Variants in KLF15 observed in about 807,000 individuals in gnomAD.
KLF15 encodes the protein KLF transcription factor 15.
Under a neutral mutation model 24.6 loss-of-function variants are expected in KLF15, and 4 were observed. The ratio of observed to expected loss-of-function variants is 0.16; its 90% CI spans 0.08 to 0.37. The LOEUF is 0.37. Ranked by LOEUF, KLF15 falls within the 10% of genes least tolerant of loss-of-function variation. The probability of loss-of-function intolerance (pLI) is 1.00; values close to 1 mark genes in which losing one functional copy is unlikely to be tolerated. For synonymous variants in KLF15, 246 were observed against 236.3 expected, an observed-to-expected ratio of 1.04 and a Z score of -0.37; for missense variants, 496 against 560.6, an observed-to-expected ratio of 0.88 and a Z score of 1.16.
the KLF15 span, among the ~76,000 whole-genome samples, chr3:126,313,710 T>C: frequency 6.6e-6 from 1 of 152,214 alleles, no homozygotes; most frequent in Non-Finnish European, 1.5e-5. Context: ...CACACAGACC[T>C]GCCTTGTATG....
intron 2 of KLF15, 54 bp from the exon 3 acceptor site, chr3:126,343,949 C>A: frequency 3.3e-6 from 5 of 1,495,842 alleles, no homozygotes; most frequent in South Asian, 1.4e-5. Flanking sequence ...CCTGCCTGCC[C>A]CGACCCCACG....
chr3:126,322,319 T>C, the KLF15 span, among the ~76,000 whole-genome samples: 1 of 152,154 alleles, frequency 6.6e-6, no homozygotes, highest in African/African-American at 2.4e-5. Context: ...TGGTTCCTCC[T>C]GGAGGCTCTA....
the KLF15 span, among the ~76,000 whole-genome samples, chr3:126,311,686 C>T: frequency 6.6e-6 from 1 of 152,354 alleles, no homozygotes; most frequent in African/African-American, 2.4e-5. Flanking sequence ...CCAACCTTCA[C>T]TAACTTCTGG....
the KLF15 span, among the ~76,000 whole-genome samples, chr3:126,293,192 G>A: frequency 2.7e-5 from 4 of 150,926 alleles, no homozygotes; most frequent in African/African-American, 9.7e-5. Context: ...GTGCACACTT[G>A]TAGTCTCAGC....
the KLF15 span, among the ~76,000 whole-genome samples, chr3:126,323,088 A>T: frequency 6.6e-6 from 1 of 150,840 alleles, no homozygotes; most frequent in Non-Finnish European, 1.5e-5. Context: ...CACACTTTTT[A>T]AAACTTTTTA....
At chr3:126,296,040 G>A in the KLF15 span, among the ~76,000 whole-genome samples, 4 of 152,122 alleles carry the variant, frequency 2.6e-5, no homozygotes, top group Non-Finnish European at 2.9e-5. Flanking sequence ...GTCCCTGTAC[G>A]TATCACAATG....
intron 1 of KLF15, 86 bp from the exon 2 acceptor site, chr3:126,353,033 C>G: frequency 7.0e-7 from 1 of 1,422,916 alleles, no homozygotes; most frequent in African/African-American, 1.4e-5. Context: ...CCTCAGCTGC[C>G]TGCCCACAGC....
At chr3:126,309,996 A>G in the KLF15 span, among the ~76,000 whole-genome samples, 1 of 152,236 alleles carries the variant, frequency 6.6e-6, no homozygotes, top group African/African-American at 2.4e-5. Context: ...TTCATCAAGA[A>G]CAGAAATGCA....
At chr3:126,304,386 A>G in the KLF15 span, among the ~76,000 whole-genome samples, 1 of 152,106 alleles carries the variant, frequency 6.6e-6, no homozygotes, top group Non-Finnish European at 1.5e-5. Flanking sequence ...GGAAACAGGC[A>G]CTCTATGGAC....
chr3:126,341,923 C>A, downstream of KLF15, among the ~76,000 whole-genome samples: 1 of 152,208 alleles, frequency 6.6e-6, no homozygotes, highest in East Asian at 1.9e-4. Context: ...CTGAAGCAGG[C>A]CCTGGTCAGC....
the KLF15 span, among the ~76,000 whole-genome samples, chr3:126,305,805 A>T: frequency 6.6e-6 from 1 of 152,258 alleles, no homozygotes. Flanking sequence ...ATGTCTGACC[A>T]CAAACCCTTT....
At chr3:126,347,903 G>A (rs925857493) in intron 2 of KLF15, among the ~76,000 whole-genome samples, 3 of 152,158 alleles carry the variant, frequency 2.0e-5, no homozygotes, top group African/African-American at 2.4e-5. Flanking sequence ...CTTGTTCTCC[G>A]AGCACAGGAC....
the KLF15 span, among the ~76,000 whole-genome samples, chr3:126,299,002 G>A: frequency 2.6e-5 from 4 of 152,090 alleles, no homozygotes; most frequent in East Asian, 7.7e-4. Flanking sequence ...CTTCTGTGAG[G>A]AATTATGATG....
At chr3:126,351,267 G>A (rs1011528358) in intron 2 of KLF15, among the ~76,000 whole-genome samples, 60 of 152,362 alleles carry the variant, frequency 3.9e-4, no homozygotes, top group Admixed American at 2.2e-3. Flanking sequence ...AGGAAGCATA[G>A]GCGAGGCCCA....
chr3:126,324,684 T>C, the KLF15 span, among the ~76,000 whole-genome samples: 2 of 148,996 alleles, frequency 1.3e-5, no homozygotes, highest in African/African-American at 5.0e-5. Flanking sequence ...GCATAGGAGA[T>C]GTTGTGTCCT....
intron 2 of KLF15, among the ~76,000 whole-genome samples, chr3:126,345,550 T>TACAC (rs1238102250): frequency 5.2e-5 from 6 of 116,464 alleles, no homozygotes; most frequent in South Asian, 2.7e-4. Flanking sequence ...TGCCCACACA[T>TACAC]ACTCACACAC....
intron 1 of KLF15, 43 bp downstream of exon 1, chr3:126,357,194 G>T (rs932310980): frequency 2.0e-5 from 3 of 149,996 alleles, no homozygotes; most frequent in Non-Finnish European, 1.5e-5. Flanking sequence ...ATCACCCGGG[G>T]CCGCGTCCAC....
the KLF15 span, among the ~76,000 whole-genome samples, chr3:126,321,918 T>A: frequency 6.6e-6 from 1 of 152,142 alleles, no homozygotes; most frequent in African/African-American, 2.4e-5. Context: ...GCCCACATGA[T>A]GACCAATTCA....
At chr3:126,329,650 T>C in the KLF15 span, among the ~76,000 whole-genome samples, 1 of 151,898 alleles carries the variant, frequency 6.6e-6, no homozygotes, top group Non-Finnish European at 1.5e-5. Flanking sequence ...AATTTTGGAA[T>C]CAAGTCCCAT....
Sources: gnomAD v4.1 joint callset for allele counts (sites outside exome capture counted in the v4.1 genomes callset) on GRCh38, gnomAD v4.1.1 for gene constraint, MANE v1.5 for transcripts, NCBI Gene and HGNC (gene_info 2026-07-23, HGNC 2026-07-21) for gene names.